The following GALNT13 variants were observed in gnomAD, a reference collection of about 807,000 sequenced individuals.
GALNT13 encodes polypeptide N-acetylgalactosaminyltransferase 13, also known as UDP-GalNAc:polypeptide N-acetylgalactosaminyltransferase 13.
A neutral mutation model predicts 64.2 loss-of-function variants in GALNT13; 28 were observed. That is an observed-to-expected ratio of 0.44 (90% confidence interval 0.32 to 0.60). GALNT13 has a LOEUF of 0.60. GALNT13 is among the 20% of genes least tolerant of loss of function. The probability of loss-of-function intolerance (pLI) is 0.05; values close to 1 mark genes in which losing one functional copy is unlikely to be tolerated. For missense variants in GALNT13, 577 were observed against 669.8 expected, an observed-to-expected ratio of 0.86 and a Z score of 1.53; for synonymous variants, 214 against 224.6, an observed-to-expected ratio of 0.95 and a Z score of 0.42.
At chr2:153,164,704 C>A in the GALNT13 span, among the ~76,000 whole-genome samples, 1 of 151,958 alleles carries the variant, frequency 6.6e-6, no homozygotes, top group East Asian at 1.9e-4. Flanking sequence ...CATGAGATCT[C>A]CTCTTAACAT....
At chr2:153,645,127 A>C in the GALNT13 span, among the ~76,000 whole-genome samples, 2 of 152,300 alleles carry the variant, frequency 1.3e-5, no homozygotes, top group South Asian at 4.1e-4. Context: ...AAAGAGTTAG[A>C]GGCAAGGTTA....
At chr2:154,083,553 G>GT (rs34959017) in intron 3 of GALNT13, among the ~76,000 whole-genome samples, 54,474 of 151,754 alleles carry the variant, frequency 0.36, 10,167 homozygotes, top group Non-Finnish European at 0.41. Flanking sequence ...AGCATGGAAT[G>GT]TTTTTTCATT....
At chr2:153,630,375 ATCC>A in the GALNT13 span, among the ~76,000 whole-genome samples, 1 of 151,736 alleles carries the variant, frequency 6.6e-6, no homozygotes, top group Non-Finnish European at 1.5e-5. Context: ...GGAAATCATC[ATCC>A]TCTGTAAACT....
At chr2:154,099,508 A>G (rs1204136099) in intron 3 of GALNT13, among the ~76,000 whole-genome samples, 1 of 152,108 alleles carries the variant, frequency 6.6e-6, no homozygotes, top group African/African-American at 2.4e-5. Context: ...AACACCCAGA[A>G]GAGTTTTTCC....
chr2:153,272,751 C>A, the GALNT13 span, among the ~76,000 whole-genome samples: 1 of 152,324 alleles, frequency 6.6e-6, no homozygotes, highest in South Asian at 2.1e-4. Flanking sequence ...TTTGACCCCA[C>A]AAGCCCATTA....
the GALNT13 span, among the ~76,000 whole-genome samples, chr2:153,459,828 G>C: frequency 6.6e-6 from 1 of 152,076 alleles, no homozygotes; most frequent in Non-Finnish European, 1.5e-5. Context: ...TACCACTAAA[G>C]CCACATTGTG....
At chr2:154,070,736 G>A (rs1170756965) in intron 3 of GALNT13, among the ~76,000 whole-genome samples, 2 of 151,880 alleles carry the variant, frequency 1.3e-5, no homozygotes, top group African/African-American at 2.4e-5. Context: ...TGGACAACAT[G>A]GTGAAACCCC....
chr2:153,303,513 C>A, the GALNT13 span, among the ~76,000 whole-genome samples: 250 of 152,274 alleles, frequency 1.6e-3, no homozygotes, highest in Non-Finnish European at 2.1e-3. Flanking sequence ...AGACAGTCAA[C>A]TATTTTGCAA....
At chr2:154,414,234 G>A (rs1232265408) in intron 11 of GALNT13, among the ~76,000 whole-genome samples, 1 of 151,920 alleles carries the variant, frequency 6.6e-6, no homozygotes, top group East Asian at 1.9e-4. Flanking sequence ...CAGCAAATAA[G>A]ACTAATAGCT....
intron 11 of GALNT13, among the ~76,000 whole-genome samples, chr2:154,434,556 C>T (rs1700858186): frequency 6.6e-6 from 1 of 152,082 alleles, no homozygotes; most frequent in Non-Finnish European, 1.5e-5. Context: ...CAACAAGGTC[C>T]ATAAAATGGA....
chr2:153,287,276 A>G, the GALNT13 span, among the ~76,000 whole-genome samples: 25 of 151,990 alleles, frequency 1.6e-4, no homozygotes, highest in Admixed American at 6.6e-4. Flanking sequence ...AGCACCTTCG[A>G]GGGTTGAGTG....
the GALNT13 span, among the ~76,000 whole-genome samples, chr2:153,767,176 A>G: frequency 5.3e-5 from 8 of 152,018 alleles, no homozygotes; most frequent in African/African-American, 1.7e-4. Context: ...ATTGTTTTGC[A>G]TCCACTTATA....
At chr2:153,613,954 A>AT in the GALNT13 span, among the ~76,000 whole-genome samples, 8 of 152,146 alleles carry the variant, frequency 5.3e-5, no homozygotes, top group African/African-American at 1.9e-4. Context: ...TGGCACACGT[A>AT]TACATATGTA....
intron 3 of GALNT13, among the ~76,000 whole-genome samples, chr2:154,102,697 G>C (rs1260012807): frequency 3.3e-5 from 5 of 151,974 alleles, no homozygotes; most frequent in African/African-American, 1.2e-4. Flanking sequence ...ACTAAATATT[G>C]ATTTAACAAA....
chr2:153,363,932 CA>C, the GALNT13 span, among the ~76,000 whole-genome samples: 1 of 151,854 alleles, frequency 6.6e-6, no homozygotes, highest in African/African-American at 2.4e-5. Context: ...AGAGACACAA[CA>C]AAAAAAGAAA....
At position 154,431,853 on chromosome 2, in the gene GALNT13, C is replaced by G. The variant is rs754877020; in HGVS notation, c.1396-6739C>G. On this transcript the variant is annotated intron_variant, in intron 11 of 12. Transcript: ENST00000392825. ...CTGCACACGCTCTCTTGCCTGCCACCATGTGGGATGTGCCTTTGCTCCTCC... is the reference window on the plus strand; with the variant it reads ...CTGCACACGCTCTCTTGCCTGCCACGATGTGGGATGTGCCTTTGCTCCTCC... 5.8e-4 allele frequency among the ~76,000 whole-genome samples: 88 copies of G among 152,202 alleles called. 1 individual carries two copies. The highest frequency in any genetic ancestry group is 6.5e-4 in the Non-Finnish European group (44 of 68,030).
intron 3 of GALNT13, among the ~76,000 whole-genome samples, chr2:154,080,426 G>A (rs1701214573): frequency 6.6e-6 from 1 of 151,578 alleles, no homozygotes. Flanking sequence ...AAGTCAAGTA[G>A]CAATAAGAAA....
the GALNT13 span, among the ~76,000 whole-genome samples, chr2:153,317,919 C>T: frequency 6.6e-6 from 1 of 151,790 alleles, no homozygotes; most frequent in African/African-American, 2.4e-5. Flanking sequence ...TTCTAGCATT[C>T]TCTCTGGGTA....
chr2:153,260,820 A>C, the GALNT13 span, among the ~76,000 whole-genome samples: 4 of 152,174 alleles, frequency 2.6e-5, no homozygotes, highest in Admixed American at 2.0e-4. Flanking sequence ...CTTCAAGACC[A>C]GTAGCTCTTG....
Sources: allele counts gnomAD v4.1 joint callset (sites outside exome capture counted in the v4.1 genomes callset), GRCh38; gene constraint gnomAD v4.1.1; transcripts MANE v1.5; gene names NCBI Gene and HGNC (gene_info 2026-07-23, HGNC 2026-07-21).